ZNF292: variants seen among roughly 807,000 people sequenced by gnomAD.
The protein encoded by ZNF292 is 16 zinc-finger domain protein.
ZNF292 carries 26 observed loss-of-function variants against 217.9 expected under a neutral mutation model. That is an observed-to-expected ratio of 0.12 (90% confidence interval 0.09 to 0.17). ZNF292 has a LOEUF of 0.17. Ranked by LOEUF, ZNF292 falls within the 10% of genes least tolerant of loss-of-function variation. ZNF292 has a pLI of 1.00. For missense variants in ZNF292, 2,904 were observed against 3,175.2 expected, an observed-to-expected ratio of 0.91 and a Z score of 2.05; for synonymous variants, 1,257 against 1,124.1, an observed-to-expected ratio of 1.12 and a Z score of -2.37.
At chr6:87,223,329 C>A (rs1009589742) in intron 4 of ZNF292, 1 of 152,664 alleles carries the variant, frequency 6.6e-6, no homozygotes, top group Non-Finnish European at 1.5e-5. Flanking sequence ...AAGTGATCCA[C>A]CTGCCTTGGC....
intron 1 of ZNF292, among the ~76,000 whole-genome samples, chr6:87,185,586 C>G (rs1344393894): frequency 6.6e-6 from 1 of 152,024 alleles, no homozygotes; most frequent in Non-Finnish European, 1.5e-5. Context: ...TCAAGTGATT[C>G]CTCCCACCTC....
chr6:87,188,217 C>T (rs1221300603), intron 1 of ZNF292, among the ~76,000 whole-genome samples: 1 of 152,176 alleles, frequency 6.6e-6, no homozygotes, highest in Admixed American at 6.5e-5. Context: ...ACCGTGGTCT[C>T]TGTGCTTTCA....
At chr6:87,230,602 C>T (rs1279009481) in intron 4 of ZNF292, among the ~76,000 whole-genome samples, 1 of 151,854 alleles carries the variant, frequency 6.6e-6, no homozygotes, top group Non-Finnish European at 1.5e-5. Context: ...GGCGTGGTGG[C>T]GGGCGCCTGT....
intron 1 of ZNF292, among the ~76,000 whole-genome samples, chr6:87,202,350 CT>C (rs887495152): frequency 6.6e-6 from 1 of 152,026 alleles, no homozygotes; most frequent in Non-Finnish European, 1.5e-5. Context: ...TTTCTAACTG[CT>C]TTTTTAAAAA....
At chr6:87,215,841 G>A (rs1351878808) in intron 1 of ZNF292, 62 bp from the exon 2 acceptor site, 5 of 1,340,374 alleles carry the variant, frequency 3.7e-6, no homozygotes, top group Non-Finnish European at 4.0e-6. Flanking sequence ...AAAAACAGCT[G>A]ATGAGTCAAT....
Position 87,263,179 on chromosome 6 carries a change from G to A in ZNF292, c.*1378G>A, listed in dbSNP as rs1383465483. 1 of 152,064 alleles carries A rather than the reference G, an allele frequency of 6.6e-6. No homozygotes were observed. Among genetic ancestry groups the A allele is most frequent in the Non-Finnish European group, 1.5e-5 (1 of 67,928 alleles). 9.4% of individuals were successfully genotyped at this position (152,064 alleles called of 1,614,324 possible). A position where few individuals can be genotyped will look rare whatever the true frequency, so the allele number is the denominator to read the frequency against. ...TACTGTGGATTCACAGCGAGAGGTA[G>A]AGGTTATTCCAGGAGAGTTGATGAC... On this transcript the variant is annotated 3_prime_UTR_variant, in exon 8 of 8. Transcript: ENST00000369577.
intron 1 of ZNF292, among the ~76,000 whole-genome samples, chr6:87,209,965 C>T (rs548528710): frequency 5.9e-5 from 9 of 152,118 alleles, no homozygotes; most frequent in African/African-American, 2.2e-4. Context: ...AATAATATAA[C>T]CATAACCAAC....
intron 4 of ZNF292, among the ~76,000 whole-genome samples, 180 bp downstream of exon 4, chr6:87,218,911 C>T (rs1431101697): frequency 6.6e-6 from 1 of 152,044 alleles, no homozygotes; most frequent in East Asian, 1.9e-4. Context: ...TGAATTTATA[C>T]GATTATAGAA....
chr6:87,159,375 A>ATATTT (rs1349339947), intron 1 of ZNF292, among the ~76,000 whole-genome samples: 1 of 151,518 alleles, frequency 6.6e-6, no homozygotes, highest in African/African-American at 2.4e-5. Context: ...ATTTTTTTAT[A>ATATTT]TATTTTATTT....
chr6:87,206,140 A>G (rs1772246288), intron 1 of ZNF292, among the ~76,000 whole-genome samples: 1 of 152,186 alleles, frequency 6.6e-6, no homozygotes, highest in South Asian at 2.1e-4. Flanking sequence ...GTGAGGGCAG[A>G]AGCATAAAAG....
chr6:87,187,492 G>T (rs1771699738), intron 1 of ZNF292, among the ~76,000 whole-genome samples: 1 of 152,036 alleles, frequency 6.6e-6, no homozygotes, highest in Non-Finnish European at 1.5e-5. Context: ...GCCGAGGTGG[G>T]CGGATCACCT....
At chr6:87,242,558 A>T (rs1318060303) in intron 5 of ZNF292, among the ~76,000 whole-genome samples, 1 of 152,230 alleles carries the variant, frequency 6.6e-6, no homozygotes, top group Non-Finnish European at 1.5e-5. Flanking sequence ...GGAGAGGCAT[A>T]GTCTCTGTGG....
rs141558638 is a variant in ZNF292, at chr6:87,233,731, T to C, written c.741+204T>C. The C allele has an allele frequency of 2.6e-3, 2,062 of 784,990 alleles. 26 individuals are homozygous for C. The African/African-American group carries it at 0.035, about 13-fold the overall frequency. 48.6% of individuals were successfully genotyped at this position (784,990 alleles called of 1,614,324 possible). ...AACTGATTGCACCTAGTTTCTGTTT[T>C]AAATAATATACATCTTTTAAATGCT... On this transcript the variant is annotated intron_variant, in intron 5 of 7. Coordinates refer to ENST00000369577, the MANE Select transcript of ZNF292 (RefSeq NM_015021.3).
chr6:87,257,375 C>T lies in ZNF292; in HGVS notation c.3746C>T (p.Thr1249Ile). 6.2e-7 allele frequency: 1 copy of T among 1,613,676 alleles called. No homozygotes were observed. Among genetic ancestry groups the T allele is most frequent in the East Asian group, 2.2e-5 (1 of 44,870 alleles). ...GCACAAATGGAAGATCTAACCAAAA[C>T]AGTTCTGCCTTTGAATATTGACAGT... ...LPAQMEDLTK[T>I]VLPLNIDSGS... Residue 1249 changes from threonine (T) to isoleucine (I), a missense_variant, in exon 8 of 8, where the codon ACA becomes ATA. Thr to Ile is a moderately conservative substitution (Grantham distance 89). Coordinates refer to ENST00000369577, the MANE Select transcript of ZNF292 (RefSeq NM_015021.3).
intron 1 of ZNF292, among the ~76,000 whole-genome samples, chr6:87,181,926 C>T (rs182096465): frequency 1.2e-4 from 18 of 152,198 alleles, no homozygotes; most frequent in African/African-American, 1.9e-4. Flanking sequence ...TCAGGTGATC[C>T]GCCCATCTCG....
At chr6:87,243,087 G>A (rs1245821619) in intron 5 of ZNF292, among the ~76,000 whole-genome samples, 1 of 151,568 alleles carries the variant, frequency 6.6e-6, no homozygotes, top group Non-Finnish European at 1.5e-5. Context: ...TTAAATCAGT[G>A]GATAAAAGGG....
chr6:87,236,040 T>C (rs920070781), intron 5 of ZNF292, among the ~76,000 whole-genome samples: 4 of 152,250 alleles, frequency 2.6e-5, no homozygotes, highest in African/African-American at 4.8e-5. Context: ...TAGAAACTTA[T>C]TCATTGTTCC....
Position 87,215,764 on chromosome 6 carries a change from T to A in ZNF292, c.169-139T>A, listed in dbSNP as rs1336993841. ...ACTATGACTTTATTTCATTTAATATTTTAATCAATATAAACTACTTTTTGT... is the reference window on the plus strand; with the variant it reads ...ACTATGACTTTATTTCATTTAATATATTAATCAATATAAACTACTTTTTGT... On this transcript the variant is annotated intron_variant, in intron 1 of 7. Coordinates refer to ENST00000369577, the MANE Select transcript of ZNF292 (RefSeq NM_015021.3). The A allele has an allele frequency of 5.2e-6, 3 of 576,754 alleles. No individual in the cohort carries two copies. In the African/African-American group the frequency reaches 5.9e-5, roughly 11 times the overall value. 35.7% of individuals were successfully genotyped at this position (576,754 alleles called of 1,614,324 possible).
rs529448959 is a variant in ZNF292 at position 87,173,976 on chromosome 6, A to G, written c.168+18217A>G. ...CCTTTTACCCTGGTTCAGGGCAGAA[A>G]ATAACAAAATCTGCTTCAATGTTAA... On this transcript the variant is annotated intron_variant, in intron 1 of 7. Transcript: ENST00000369577. The G allele has an allele frequency of 3.8e-5, 10 of 264,228 alleles. No homozygotes were observed. The East Asian group carries it at 1.4e-3, about 38-fold the overall frequency. The allele number at this position is 264,228 out of a possible 1,614,324, so 16.4% of individuals were successfully genotyped here.
Sources: gnomAD v4.1 joint callset for allele counts (sites outside exome capture counted in the v4.1 genomes callset) on GRCh38, gnomAD v4.1.1 for gene constraint, MANE v1.5 for transcripts, NCBI Gene and HGNC (gene_info 2026-07-23, HGNC 2026-07-21) for gene names.